DST: variants seen among roughly 807,000 people sequenced by gnomAD.
The protein encoded by DST is dystonin, also known as bullous pemphigoid antigen.
Under a neutral mutation model 875.2 loss-of-function variants are expected in DST, and 253 were observed. The observed-to-expected ratio is 0.29, with a 90% CI of 0.26 to 0.32. DST has a LOEUF of 0.32. DST is among the 10% of genes least tolerant of loss of function. The pLI is 1.00. For missense variants in DST, 8,287 were observed against 9,111.6 expected, an observed-to-expected ratio of 0.91 and a Z score of 3.68; for synonymous variants, 3,124 against 3,197.1, an observed-to-expected ratio of 0.98 and a Z score of 0.77.
chr6:56,919,255 GCTTTTCCCAA>G (rs1250064771), intron 2 of DST, among the ~76,000 whole-genome samples: 8 of 152,036 alleles, frequency 5.3e-5, no homozygotes, highest in Non-Finnish European at 1.2e-4. Flanking sequence ...GTCCTAGAAA[GCTTTTCCCAA>G]CTGCAAAATT....
rs187177009 is a variant in DST, at chr6:56,565,729, C to G, written c.14005+2740G>C. 2.7e-4 allele frequency among the ~76,000 whole-genome samples: 41 copies of G among 152,322 alleles called. No individual in the cohort carries two copies. The East Asian group carries it at 7.9e-3, about 29-fold the overall frequency. ...TCCTTAGCAGAGCTTGAGCACTGTG[C>G]TGGGAGATCCGCTGCTCTCTTCAGA... On this transcript the variant is annotated intron_variant, in intron 55 of 103. Coordinates refer to ENST00000680361, the MANE Select transcript of DST (RefSeq NM_001374736.1).
At chr6:56,641,893 C>A in intron 17 of DST, 54 bp downstream of exon 17, 2 of 1,401,046 alleles carry the variant, frequency 1.4e-6, no homozygotes, top group Non-Finnish European at 2.0e-6. Flanking sequence ...TTTCAAATGC[C>A]CATGAAACAG....
At chr6:56,518,390 A>T (rs1363606947) in intron 69 of DST, among the ~76,000 whole-genome samples, 1 of 152,124 alleles carries the variant, frequency 6.6e-6, no homozygotes, top group African/African-American at 2.4e-5. Flanking sequence ...TTGTAAAAAA[A>T]ATGTCTGGGA....
Position 56,601,547 on chromosome 6 carries a change from T to C in DST, c.11437A>G (p.Asn3813Asp), listed in dbSNP as rs1428767302. 6.2e-7 allele frequency: 1 copy of C among 1,605,432 alleles called. No homozygotes were observed. Among genetic ancestry groups the C allele is most frequent in the African/African-American group, 1.3e-5 (1 of 74,912 alleles). Residue 3813 changes from asparagine (N) to aspartate (D), a missense_variant, in exon 44 of 104, where the codon AAT becomes GAT. Asn to Asp is a conservative substitution (Grantham distance 23). Coordinates refer to ENST00000680361, the MANE Select transcript of DST (RefSeq NM_001374736.1). ...TCAAGAAAACACTTCTGAGTTGTAT[T>C]TAAGAGCCTCAGCAGTTGTTTGCTT... ...NQSKQLLRLL[N>D]TTQKCFLDVQ... is the part of the protein sequence containing the mutation.
At position 56,552,871 on chromosome 6, in the gene DST, G is replaced by A; in HGVS notation, c.15921C>T (p.Tyr5307=). ...DIHDSLGSQA[Y]SNKYLTMLQT... The stretch of plus-strand genomic sequence containing the variant: ...GCAACATGGTCAGGTATTTGTTACT[G>A]TAAGCCTGGGATCCCAGCGAATCAT... Residue 5307 remains tyrosine, a synonymous_variant, in exon 61 of 104, where the codon TAC becomes TAT. Transcript: ENST00000680361. 1.9e-6 allele frequency: 3 copies of A among 1,613,892 alleles called. No homozygotes were observed. Among genetic ancestry groups the A allele is most frequent in the Non-Finnish European group, 2.5e-6 (3 of 1,179,890 alleles).
intron 47 of DST, among the ~76,000 whole-genome samples, chr6:56,596,007 T>TATTTA (rs773304161): frequency 0.033 from 4,767 of 145,822 alleles, 202 homozygotes; most frequent in African/African-American, 0.1. Flanking sequence ...ACTTTCTTTC[T>TATTTA]TTTATTTATT....
intron 102 of DST, chr6:56,461,556 T>C (rs2094331358): frequency 6.6e-6 from 1 of 152,204 alleles, no homozygotes. Context: ...AATGCCTTGA[T>C]TGTTTTGATT....
intron 88 of DST, 149 bp downstream of exon 88, chr6:56,485,162 CT>C: frequency 3.7e-6 from 3 of 818,184 alleles, no homozygotes; most frequent in Non-Finnish European, 5.6e-6. Flanking sequence ...CCAGGTTCTG[CT>C]CAAACGGACA....
chr6:56,570,956 A>G (rs555407010), intron 53 of DST, among the ~76,000 whole-genome samples: 2 of 152,368 alleles, frequency 1.3e-5, no homozygotes, highest in East Asian at 1.9e-4. Flanking sequence ...TTTCTACACT[A>G]TACTACAGTC....
chr6:56,504,681 A>AT (rs1296270072), intron 77 of DST, among the ~76,000 whole-genome samples: 5 of 151,856 alleles, frequency 3.3e-5, no homozygotes, highest in African/African-American at 4.8e-5. Flanking sequence ...CTCAAGTCAC[A>AT]TTTTTTTTAG....
At chr6:56,782,018 A>G (rs1451817915) in intron 4 of DST, among the ~76,000 whole-genome samples, 2 of 152,170 alleles carry the variant, frequency 1.3e-5, no homozygotes, top group Non-Finnish European at 2.9e-5. Flanking sequence ...TATATGCTGC[A>G]TTACATTTAT....
At chr6:56,818,242 T>C (rs1218291452) in intron 4 of DST, among the ~76,000 whole-genome samples, 1 of 152,038 alleles carries the variant, frequency 6.6e-6, no homozygotes, top group Non-Finnish European at 1.5e-5. Flanking sequence ...ACAATTTCCT[T>C]CTAGGGAAAA....
chr6:56,888,466 G>A (rs1785712791), intron 3 of DST, among the ~76,000 whole-genome samples: 1 of 152,120 alleles, frequency 6.6e-6, no homozygotes, highest in Non-Finnish European at 1.5e-5. Context: ...GGATTTGCTA[G>A]TTAATTAGCC....
At chr6:56,771,520 A>T (rs1263553824) in intron 4 of DST, among the ~76,000 whole-genome samples, 1 of 152,210 alleles carries the variant, frequency 6.6e-6, no homozygotes, top group Non-Finnish European at 1.5e-5. Context: ...AAATGTATAA[A>T]TCATCATCAA....
At chr6:56,911,719 G>A (rs753106916) in intron 2 of DST, among the ~76,000 whole-genome samples, 6 of 152,126 alleles carry the variant, frequency 3.9e-5, no homozygotes, top group African/African-American at 7.2e-5. Context: ...TCTTGGATGC[G>A]GGTGGGGAAA....
chr6:56,873,600 C>G (rs945749758), intron 3 of DST, among the ~76,000 whole-genome samples: 11 of 152,120 alleles, frequency 7.2e-5, no homozygotes, highest in Admixed American at 2.0e-4. Context: ...ATGTTAAGTG[C>G]AGTAAGCCAA....
chr6:56,843,083 G>T, intron 4 of DST: 1 of 1,563,720 alleles, frequency 6.4e-7, no homozygotes. Context: ...CATCCTCGTA[G>T]GCCTGGAGAT....
intron 88 of DST, 77 bp downstream of exon 88, chr6:56,485,235 T>A (rs1562291626): frequency 6.6e-7 from 1 of 1,510,960 alleles, no homozygotes; most frequent in Non-Finnish European, 9.2e-7. Context: ...TTTAAAAGGC[T>A]AATTTAAATG....
chr6:56,458,204 T>C lies in DST; in HGVS notation c.*801A>G, dbSNP rs1666028594. On this transcript the variant is annotated 3_prime_UTR_variant, in exon 104 of 104. Transcript: ENST00000680361. Reference sequence around the variant, plus strand: ...ATTGCTCATAAAAAAATACACTAGTTTTCCCTGGGGAAAAAAAATTAATTC... The same window carrying C: ...ATTGCTCATAAAAAAATACACTAGTCTTCCCTGGGGAAAAAAAATTAATTC... 1 of 152,602 alleles carries C rather than the reference T, an allele frequency of 6.6e-6. No homozygotes were observed. The highest frequency in any genetic ancestry group is 1.5e-5 in the Non-Finnish European group (1 of 68,032). The allele number at this position is 152,602 out of a possible 1,614,324, so 9.5% of individuals were successfully genotyped here.
Sources: allele counts gnomAD v4.1 joint callset (sites outside exome capture counted in the v4.1 genomes callset), GRCh38; gene constraint gnomAD v4.1.1; transcripts MANE v1.5; gene names NCBI Gene and HGNC (gene_info 2026-07-23, HGNC 2026-07-21).